ZFAT: variants seen among roughly 807,000 people sequenced by gnomAD.
ZFAT encodes zinc finger protein ZFAT.
ZFAT carries 64 observed loss-of-function variants against 117.7 expected under a neutral mutation model. The ratio of observed to expected loss-of-function variants is 0.54; its 90% CI spans 0.44 to 0.67. The LOEUF is 0.67. Among genes scored for constraint, ZFAT ranks in the 30% least tolerant of loss-of-function variants. The pLI, the probability that ZFAT is intolerant of heterozygous loss-of-function variation, is 0.00. For synonymous variants in ZFAT, 679 were observed against 615.0 expected (o/e 1.10, Z -1.54); for missense variants, 1,433 against 1,584.5 (o/e 0.90, Z 1.62).
At position 134,557,506 on chromosome 8, in the gene ZFAT, C is replaced by T. The variant is rs74830182; in HGVS notation, c.2976+7827G>A. 7.7e-3 allele frequency among the ~76,000 whole-genome samples: 1,179 copies of T among 152,212 alleles called. 29 individuals are homozygous for T. The highest frequency in any genetic ancestry group is 0.027 in the African/African-American group (1,121 of 41,520). On this transcript the variant is annotated intron_variant, in intron 11 of 15. Transcript: ENST00000377838. The stretch of plus-strand genomic sequence containing the variant: ...GATTCACTAGTTGTAACAAATGTTC[C>T]GTATTGATATTAGATGGTAACAACA...
chr8:134,605,553 CAAA>C (rs747188059), intron 5 of ZFAT, among the ~76,000 whole-genome samples: 7 of 89,588 alleles, frequency 7.8e-5, no homozygotes, highest in Non-Finnish European at 4.8e-5. Flanking sequence ...GACCCCATCT[CAAA>C]AAAAAAAAAA....
the ZFAT span, among the ~76,000 whole-genome samples, chr8:134,780,048 C>T: frequency 6.6e-6 from 1 of 152,192 alleles, no homozygotes; most frequent in African/African-American, 2.4e-5. Context: ...AAACAATCAG[C>T]TGCTGTCCAA....
intron 13 of ZFAT, among the ~76,000 whole-genome samples, chr8:134,514,972 C>T (rs1250151009): frequency 7.9e-5 from 12 of 152,156 alleles, no homozygotes; most frequent in Admixed American, 7.9e-4. Context: ...CCTCCACCCC[C>T]AACAGGCCCT....
chr8:134,817,436 C>CACACACACACACA, the ZFAT span, among the ~76,000 whole-genome samples: 74 of 126,924 alleles, frequency 5.8e-4, 1 homozygote, highest in African/African-American at 1.8e-3. Flanking sequence ...CACACACACA[C>CACACACACACACA]AACGCACCCT....
intron 10 of ZFAT, among the ~76,000 whole-genome samples, chr8:134,580,184 G>A (rs1825620512): frequency 6.6e-6 from 1 of 152,144 alleles, no homozygotes; most frequent in South Asian, 2.1e-4. Context: ...GAGGTTCAGA[G>A]AAGTAATCTG....
At chr8:134,529,275 G>A (rs1255770298) in intron 12 of ZFAT, among the ~76,000 whole-genome samples, 4 of 152,174 alleles carry the variant, frequency 2.6e-5, no homozygotes, top group Non-Finnish European at 5.9e-5. Context: ...GTGAGCAAAA[G>A]ATTCATAAAG....
chr8:134,593,648 A>T (rs901879347), intron 7 of ZFAT, among the ~76,000 whole-genome samples: 2 of 152,258 alleles, frequency 1.3e-5, no homozygotes, highest in African/African-American at 4.8e-5. Flanking sequence ...GTCAGCCCCA[A>T]GCCTGAGGCT....
intron 1 of ZFAT, among the ~76,000 whole-genome samples, chr8:134,700,569 A>G (rs566852544): frequency 3.5e-4 from 53 of 152,288 alleles, no homozygotes; most frequent in African/African-American, 1.3e-3. Context: ...CCCCTGTACA[A>G]AGAATGCACA....
In ZFAT at chr8:134,600,486, T is replaced by C; in HGVS notation, c.2425A>G (p.Thr809Ala). 1.2e-6 allele frequency: 2 copies of C among 1,614,228 alleles called. No homozygotes were observed. The highest frequency in any genetic ancestry group is 1.7e-6 in the Non-Finnish European group (2 of 1,180,044). ...KCPTDGCDYS[T>A]PDKYKLQAHL... The stretch of plus-strand genomic sequence containing the variant: ...GCCTGTAGCTTATATTTATCTGGAG[T>C]TGAGTAGTCACAGCCATCGGTGGGA... The change falls in exon 7 of 16, where the codon ACT becomes GCT. Residue 809 changes from threonine (T) to alanine (A), a missense_variant. This residue lies in a region of ZFAT where 49 missense variants were observed against 81.5 expected (regional missense o/e 0.60). Coordinates refer to ENST00000377838, the MANE Select transcript of ZFAT (RefSeq NM_020863.4).
chr8:134,775,094 G>C, the ZFAT span, among the ~76,000 whole-genome samples: 18 of 152,154 alleles, frequency 1.2e-4, no homozygotes, highest in East Asian at 2.7e-3. Context: ...CTCCAGCCTG[G>C]GTGACAGAGA....
chr8:134,585,839 T>C (rs1383415998), intron 9 of ZFAT, among the ~76,000 whole-genome samples: 3 of 152,226 alleles, frequency 2.0e-5, no homozygotes, highest in African/African-American at 4.8e-5. Context: ...CCCAGGTCCA[T>C]TGCTTGACTA....
Position 134,667,066 on chromosome 8 carries a change from T to G in ZFAT, c.20-9329A>C, listed in dbSNP as rs145124904. Among the ~76,000 whole-genome samples, 49 of 152,156 alleles carry G rather than the reference T, an allele frequency of 3.2e-4. No homozygotes were observed. The East Asian group carries it at 8.5e-3, about 26-fold the overall frequency. On this transcript the variant is annotated intron_variant, in intron 1 of 15. Transcript: ENST00000377838. Reference sequence around the variant, plus strand: ...AAACCAAATACCACGTTCTCACTCATAAGTGGGAGTTGAACAATGAGAACT... The same window carrying G: ...AAACCAAATACCACGTTCTCACTCAGAAGTGGGAGTTGAACAATGAGAACT...
intron 10 of ZFAT, 128 bp from the exon 11 acceptor site, chr8:134,565,549 G>C (rs761690489): frequency 9.1e-6 from 8 of 874,554 alleles, no homozygotes; most frequent in African/African-American, 8.3e-5. Context: ...TCTCAGAAGG[G>C]AACAGCGACG....
chr8:134,582,785 A>G (rs919433613), intron 10 of ZFAT, among the ~76,000 whole-genome samples: 3 of 152,180 alleles, frequency 2.0e-5, no homozygotes, highest in Non-Finnish European at 4.4e-5. Context: ...AACAGGATTG[A>G]TTTTCAGAAC....
chr8:134,710,691 T>A (rs1489354836), intron 1 of ZFAT, among the ~76,000 whole-genome samples: 1 of 152,248 alleles, frequency 6.6e-6, no homozygotes, highest in Non-Finnish European at 1.5e-5. Context: ...ATGAAATTTA[T>A]TTATGTTTGA....
At chr8:134,521,234 T>C (rs973877657) in intron 12 of ZFAT, among the ~76,000 whole-genome samples, 1 of 149,798 alleles carries the variant, frequency 6.7e-6, no homozygotes, top group Non-Finnish European at 1.5e-5. Context: ...TAAGCTTTTG[T>C]AGACAGCCCA....
intron 11 of ZFAT, among the ~76,000 whole-genome samples, chr8:134,542,596 A>C (rs968320111): frequency 1.3e-5 from 2 of 152,232 alleles, no homozygotes; most frequent in Non-Finnish European, 2.9e-5. Flanking sequence ...AATGGCCTCC[A>C]GCTTGATCCA....
intron 3 of ZFAT, among the ~76,000 whole-genome samples, chr8:134,614,491 C>T (rs1828579543): frequency 6.6e-6 from 1 of 152,212 alleles, no homozygotes; most frequent in South Asian, 2.1e-4. Flanking sequence ...CTTACACACA[C>T]ACAGAGCACC....
chr8:134,781,052 A>G, the ZFAT span, among the ~76,000 whole-genome samples: 1 of 151,866 alleles, frequency 6.6e-6, no homozygotes, highest in African/African-American at 2.4e-5. Flanking sequence ...ATGTTGTTTC[A>G]TTTTATTTTT....
Sources: allele counts gnomAD v4.1 joint callset (sites outside exome capture counted in the v4.1 genomes callset), GRCh38; gene constraint gnomAD v4.1.1; regional missense constraint gnomAD v4.1.1; transcripts MANE v1.5; gene names NCBI Gene and HGNC (gene_info 2026-07-23, HGNC 2026-07-21).